Variants in CFAP54 observed in about 807,000 individuals in gnomAD.
CFAP54 encodes the protein cilia and flagella associated protein 54.
A neutral mutation model predicts 370.4 loss-of-function variants in CFAP54; 290 were observed. The ratio of observed to expected loss-of-function variants is 0.78; its 90% CI spans 0.71 to 0.86. CFAP54 has a LOEUF of 0.86. Ranked by LOEUF, CFAP54 falls within the 40% of genes least tolerant of loss-of-function variation. The pLI is 0.00. For missense variants in CFAP54, 3,399 were observed against 3,528.7 expected, an observed-to-expected ratio of 0.96 and a Z score of 0.93; for synonymous variants, 1,206 against 1,236.5, an observed-to-expected ratio of 0.98 and a Z score of 0.52.
chr12:96,505,899 C>T (rs1955094683), intron 3 of CFAP54, among the ~76,000 whole-genome samples: 1 of 152,194 alleles, frequency 6.6e-6, no homozygotes, highest in Non-Finnish European at 1.5e-5. Flanking sequence ...GTGTCCGTTT[C>T]TTCCTCATCC....
intron 50 of CFAP54, among the ~76,000 whole-genome samples, chr12:96,726,802 T>G (rs1383755582): frequency 6.6e-6 from 1 of 152,094 alleles, no homozygotes; most frequent in Non-Finnish European, 1.5e-5. Flanking sequence ...TGCTTTCTCT[T>G]GTGGGCATTT....
chr12:96,533,866 G>T lies in CFAP54; in HGVS notation c.1432G>T (p.Asp478Tyr). 6.5e-7 allele frequency: 1 copy of T among 1,535,254 alleles called. No homozygotes were observed. Among genetic ancestry groups the T allele is most frequent in the Non-Finnish European group, 8.7e-7 (1 of 1,146,414 alleles). ...TCTGGAACTTATGATAGGAAGAAAA[G>T]ATGTTATTTCTGTGGATGCTGCTGT... ...SLLELMIGRK[D>Y]VISVDAAVKF... The change falls in exon 10 of 68, where the codon GAT becomes TAT. Residue 478 changes from aspartate (D) to tyrosine (Y), a missense_variant. Transcript: ENST00000524981.
At position 96,751,316 on chromosome 12, in the gene CFAP54, T is replaced by C. The variant is rs12581691; in HGVS notation, c.7685-2427T>C. ...GTCCTCATCTCTGCCCTCAAGAAGC[T>C]TATTATCTAGTTAGGGAGGGAGAGA... On this transcript the variant is annotated intron_variant, in intron 55 of 67. Coordinates refer to ENST00000524981, the MANE Select transcript of CFAP54 (RefSeq NM_001306084.2). Among the ~76,000 whole-genome samples, 1,459 of 152,286 alleles carry C rather than the reference T, an allele frequency of 9.6e-3. 53 individuals are homozygous for C. The East Asian group carries it at 0.1, about 11-fold the overall frequency.
At chr12:96,772,591 ATTTT>A (rs35817553) in intron 60 of CFAP54, among the ~76,000 whole-genome samples, 1 of 137,826 alleles carries the variant, frequency 7.3e-6, no homozygotes, top group Admixed American at 7.3e-5. Context: ...TTGGTGGGCA[ATTTT>A]TTTTTTTTTT....
rs912846722 is a variant in CFAP54 at position 96,559,296 on chromosome 12, A to G, written c.2410+4494A>G. Among the ~76,000 whole-genome samples the G allele has an allele frequency of 5.3e-5, 8 of 152,326 alleles. No individual in the cohort carries two copies. In the South Asian group the frequency reaches 1.4e-3, roughly 28 times the overall value. On this transcript the variant is annotated intron_variant, in intron 17 of 67. Transcript: ENST00000524981. Reference sequence around the variant, plus strand: ...TTGTAATACAAAGGATAAATGCTTGAGGGGATGGATACCCCATTTTCCATG... The same window carrying G: ...TTGTAATACAAAGGATAAATGCTTGGGGGGATGGATACCCCATTTTCCATG...
intron 19 of CFAP54, among the ~76,000 whole-genome samples, chr12:96,575,348 C>G (rs11108588): frequency 0.013 from 2,029 of 152,130 alleles, 21 homozygotes; most frequent in Middle Eastern, 0.027. Flanking sequence ...TTTTCACTTT[C>G]TTAATGGTAT....
chr12:96,781,598 G>T (rs894408668), intron 60 of CFAP54, among the ~76,000 whole-genome samples: 4 of 152,076 alleles, frequency 2.6e-5, no homozygotes, highest in African/African-American at 9.7e-5. Context: ...ACCCAGCAAG[G>T]AGAAGGCCAT....
At chr12:96,634,971 T>C (rs1043527449) in intron 32 of CFAP54, among the ~76,000 whole-genome samples, 4 of 152,208 alleles carry the variant, frequency 2.6e-5, no homozygotes, top group Non-Finnish European at 5.9e-5. Flanking sequence ...CACATTCCCT[T>C]TCTTGATTAC....
intron 32 of CFAP54, among the ~76,000 whole-genome samples, chr12:96,632,953 G>A (rs1956624138): frequency 6.6e-6 from 1 of 151,800 alleles, no homozygotes; most frequent in Non-Finnish European, 1.5e-5. Context: ...TATATCTTTT[G>A]TTAGATACAT....
intron 36 of CFAP54, among the ~76,000 whole-genome samples, chr12:96,656,931 T>G (rs1956929111): frequency 6.6e-6 from 1 of 152,256 alleles, no homozygotes; most frequent in Non-Finnish European, 1.5e-5. Context: ...TGTAAGTCAC[T>G]GGTGCTACAC....
intron 26 of CFAP54, among the ~76,000 whole-genome samples, chr12:96,609,812 A>G (rs1360591506): frequency 6.6e-6 from 1 of 152,186 alleles, no homozygotes; most frequent in Non-Finnish European, 1.5e-5. Context: ...ATAATACACA[A>G]TATTTAAAAC....
chr12:96,635,699 A>G (rs1423928759), intron 32 of CFAP54, among the ~76,000 whole-genome samples: 1 of 152,250 alleles, frequency 6.6e-6, no homozygotes, highest in African/African-American at 2.4e-5. Flanking sequence ...TGCCTAGCTG[A>G]CTATAAATTC....
At chr12:96,646,036 A>G (rs1296136901) in intron 33 of CFAP54, 1 of 152,180 alleles carries the variant, frequency 6.6e-6, no homozygotes, top group Admixed American at 6.5e-5. Flanking sequence ...GGACATAGGC[A>G]TGGGCAAGGA....
chr12:96,654,500 C>CAAA (rs549250505), intron 36 of CFAP54, among the ~76,000 whole-genome samples: 5 of 135,336 alleles, frequency 3.7e-5, no homozygotes, highest in Non-Finnish European at 4.7e-5. Flanking sequence ...GACTCCGTCT[C>CAAA]AAAAAAAAAA....
chr12:96,527,372 A>G lies in CFAP54; in HGVS notation c.1285A>G (p.Ile429Val). The change falls in exon 9 of 68, where the codon ATT (isoleucine) becomes GTT (valine). Residue 429 changes from isoleucine to valine, a missense_variant. Coordinates refer to ENST00000524981, the MANE Select transcript of CFAP54 (RefSeq NM_001306084.2). ...TAGGCGAATACTGCAAACTGGACCCATTGTTACAGATGAAGTGGAGATTCA... is the reference window on the plus strand; with the variant it reads ...TAGGCGAATACTGCAAACTGGACCCGTTGTTACAGATGAAGTGGAGATTCA... ...SNRRILQTGPIVTDEVEIHDV... is the reference protein window; with the variant it reads ...SNRRILQTGPVVTDEVEIHDV... The G allele has an allele frequency of 6.5e-7, 1 of 1,535,168 alleles. No homozygotes were observed.
At chr12:96,850,106 C>T (rs79897452) in intron 66 of CFAP54, among the ~76,000 whole-genome samples, 2 of 151,562 alleles carry the variant, frequency 1.3e-5, no homozygotes, top group South Asian at 4.2e-4. Context: ...CAGCCGGGCA[C>T]GGTGGCTCAC....
chr12:96,694,011 A>G (rs2136568175), intron 45 of CFAP54, among the ~76,000 whole-genome samples: 2 of 151,972 alleles, frequency 1.3e-5, no homozygotes, highest in South Asian at 4.2e-4. Context: ...CTTGGGCCAC[A>G]GTAAAGTGAG....
chr12:96,517,385 A>G (rs186564060), intron 5 of CFAP54, among the ~76,000 whole-genome samples: 1 of 152,326 alleles, frequency 6.6e-6, no homozygotes, highest in Non-Finnish European at 1.5e-5. Flanking sequence ...TACAATGTGA[A>G]CAATTGTTAA....
Position 96,765,162 on chromosome 12 carries a change from A to G in CFAP54, c.8225A>G (p.Asn2742Ser). ...MHKVNQVALPNIPEFAALDLL... is the reference protein window; with the variant it reads ...MHKVNQVALPSIPEFAALDLL... ...AAAGTTAACCAAGTGGCATTACCAA[A>G]TATCCCAGAATTTGCTGCTCTGGAT... Residue 2742 changes from asparagine (N) to serine (S), a missense_variant, in exon 60 of 68, where the codon AAT becomes AGT. Coordinates refer to ENST00000524981, the MANE Select transcript of CFAP54 (RefSeq NM_001306084.2). 6.5e-7 allele frequency: 1 copy of G among 1,541,694 alleles called. No individual in the cohort carries two copies. The highest frequency in any genetic ancestry group is 8.8e-7 in the Non-Finnish European group (1 of 1,130,916).
Sources: allele counts gnomAD v4.1 joint callset (sites outside exome capture counted in the v4.1 genomes callset), GRCh38; gene constraint gnomAD v4.1.1; transcripts MANE v1.5; gene names NCBI Gene and HGNC (gene_info 2026-07-23, HGNC 2026-07-21).